Variants in ZDHHC11B observed in about 807,000 individuals in gnomAD.
The protein encoded by ZDHHC11B is probable palmitoyltransferase ZDHHC11B.
ZDHHC11B carries 17 observed loss-of-function variants against 42.3 expected under a neutral mutation model. The ratio of observed to expected loss-of-function variants is 0.40; its 90% CI spans 0.27 to 0.60. ZDHHC11B has a LOEUF of 0.60. Among genes scored for constraint, ZDHHC11B ranks in the 20% least tolerant of loss-of-function variants. The pLI, the probability that ZDHHC11B is intolerant of heterozygous loss-of-function variation, is 0.41. For synonymous variants in ZDHHC11B, 123 were observed against 193.5 expected (o/e 0.64, Z 3.02); for missense variants, 262 against 463.2 (o/e 0.57, Z 3.99).
At chr5:736,498 C>G (rs1743535360) in intron 10 of ZDHHC11B, among the ~76,000 whole-genome samples, 1 of 149,574 alleles carries the variant, frequency 6.7e-6, no homozygotes, top group South Asian at 2.2e-4. Flanking sequence ...AACATTCTAC[C>G]CAACAGCTGC....
chr5:774,973 G>A (rs1246981980), intron 1 of ZDHHC11B, among the ~76,000 whole-genome samples: 1 of 152,012 alleles, frequency 6.6e-6, no homozygotes, highest in African/African-American at 2.4e-5. Context: ...GCTGGCAGAG[G>A]AGGCTGGTGG....
chr5:745,764 G>T (rs1384060883), intron 8 of ZDHHC11B, among the ~76,000 whole-genome samples: 1 of 149,998 alleles, frequency 6.7e-6, no homozygotes, highest in East Asian at 2.1e-4. Context: ...CACTGGGTGG[G>T]GCGCACCTTG....
At chr5:745,464 G>A (rs1234886398) in intron 8 of ZDHHC11B, among the ~76,000 whole-genome samples, 166 bp from the exon 9 acceptor site, 2 of 149,802 alleles carry the variant, frequency 1.3e-5, no homozygotes, top group East Asian at 4.1e-4. Context: ...GAGTGCAGAT[G>A]CCTTGTGGGC....
chr5:720,300 G>C (rs1230791900), intron 12 of ZDHHC11B, among the ~76,000 whole-genome samples: 1 of 151,816 alleles, frequency 6.6e-6, no homozygotes, highest in African/African-American at 2.4e-5. Context: ...AGAATCAAGA[G>C]ATCCTTAATA....
At position 752,150 on chromosome 5, in the gene ZDHHC11B, A is replaced by G. The variant is rs1470557400; in HGVS notation, c.504-893T>C. Reference sequence around the variant, plus strand: ...GCACCATGCTGGGCAAAGGCACTGAAGCCAGGGAAGGGGAGAGCCATGAGA... The same window carrying G: ...GCACCATGCTGGGCAAAGGCACTGAGGCCAGGGAAGGGGAGAGCCATGAGA... On this transcript the variant is annotated intron_variant, in intron 6 of 13. Coordinates refer to ENST00000508859, the MANE Select transcript of ZDHHC11B (RefSeq NM_001351303.2). 3.4e-5 allele frequency among the ~76,000 whole-genome samples: 4 copies of G among 116,200 alleles called. 1 individual carries two copies. In the Admixed American group the frequency reaches 4.2e-4, roughly 12 times the overall value. The allele number at this position is 116,200 out of a possible 152,430, so 76.2% of individuals were successfully genotyped here. A position where few individuals can be genotyped will look rare whatever the true frequency, so the allele number is the denominator to read the frequency against.
At chr5:769,718 G>A (rs374107349) in intron 1 of ZDHHC11B, among the ~76,000 whole-genome samples, 76 of 152,072 alleles carry the variant, frequency 5.0e-4, no homozygotes, top group African/African-American at 8.2e-4. Flanking sequence ...GGCCTAGTGC[G>A]CGCCATCCTT....
chr5:777,952 C>G (rs1162559775), intron 1 of ZDHHC11B, among the ~76,000 whole-genome samples: 3 of 151,840 alleles, frequency 2.0e-5, no homozygotes, highest in African/African-American at 7.3e-5. Context: ...GTCGGCGGGT[C>G]CCGAGCCCTG....
At position 710,872 on chromosome 5, in the gene ZDHHC11B, A is replaced by T. The variant is rs1230389650; in HGVS notation, c.*1418T>A. On this transcript the variant is annotated 3_prime_UTR_variant, in exon 14 of 14. Coordinates refer to ENST00000508859, the MANE Select transcript of ZDHHC11B (RefSeq NM_001351303.2). ...CCAGTACTGTGAGCTCCCATTTCCC[A>T]GTACTGTGCTCCCAATTCCCAGTAC... is the stretch of plus-strand genomic sequence containing the variant. The T allele has an allele frequency of 3.7e-5, 5 of 134,756 alleles. No homozygotes were observed. Among genetic ancestry groups the T allele is most frequent in the Non-Finnish European group, 7.7e-5 (5 of 64,730 alleles). 8.3% of individuals were successfully genotyped at this position (134,756 alleles called of 1,614,324 possible).
chr5:719,949 C>G (rs1742060092), intron 12 of ZDHHC11B, among the ~76,000 whole-genome samples: 1 of 151,752 alleles, frequency 6.6e-6, no homozygotes, highest in African/African-American at 2.4e-5. Context: ...ATCCCTTTGT[C>G]CAGCATATCC....
chr5:770,436 C>T (rs1267661110), intron 1 of ZDHHC11B, among the ~76,000 whole-genome samples: 2 of 150,486 alleles, frequency 1.3e-5, no homozygotes, highest in Non-Finnish European at 3.0e-5. Flanking sequence ...GCCAGGGGCT[C>T]CAGGCCTAGG....
At position 778,078 on chromosome 5, in the gene ZDHHC11B, G is replaced by T. The variant is rs573043555; in HGVS notation, c.-230+6590C>A. ...CACCGTAGGACAGAGGGGCAAGGGG[G>T]CTCCCAGACTCTGCAAAGGACGCTG... On this transcript the variant is annotated intron_variant, in intron 1 of 13. Transcript: ENST00000508859. Among the ~76,000 whole-genome samples the T allele has an allele frequency of 1.3e-3, 191 of 152,032 alleles. 4 individuals carry two copies. The highest frequency in any genetic ancestry group is 4.4e-3 in the African/African-American group (184 of 41,454).
chr5:762,366 A>G (rs1734740588), intron 4 of ZDHHC11B, among the ~76,000 whole-genome samples: 1 of 151,934 alleles, frequency 6.6e-6, no homozygotes. Flanking sequence ...GATAGCGCCC[A>G]GGATGAGTGT....
chr5:719,431 G>T (rs537314376), intron 12 of ZDHHC11B, among the ~76,000 whole-genome samples: 1 of 151,560 alleles, frequency 6.6e-6, no homozygotes, highest in Admixed American at 6.6e-5. Context: ...AAATAAAGTA[G>T]GAAAATTACA....
intron 6 of ZDHHC11B, among the ~76,000 whole-genome samples, chr5:754,420 C>CA (rs1561163988): frequency 3.9e-4 from 44 of 111,576 alleles, no homozygotes; most frequent in South Asian, 1.7e-3. Flanking sequence ...AAACACCTCT[C>CA]GCCTGTGAGC....
At chr5:777,518 T>A (rs1016401716) in intron 1 of ZDHHC11B, among the ~76,000 whole-genome samples, 3 of 151,958 alleles carry the variant, frequency 2.0e-5, no homozygotes, top group Non-Finnish European at 2.9e-5. Context: ...AAGAACAAAC[T>A]TTCCACAGCG....
chr5:767,239 G>T, intron 3 of ZDHHC11B, 153 bp downstream of exon 3: 2 of 989,068 alleles, frequency 2.0e-6, no homozygotes, highest in Non-Finnish European at 3.0e-6. Context: ...GACCTGGGTG[G>T]ATGACTGAAA....
intron 9 of ZDHHC11B, among the ~76,000 whole-genome samples, chr5:744,119 C>G (rs979262335): frequency 6.7e-6 from 1 of 149,878 alleles, no homozygotes; most frequent in Non-Finnish European, 1.5e-5. Flanking sequence ...GACTAAGGTG[C>G]TGAGCTGTAG....
rs1178092511 is a variant in ZDHHC11B, at chr5:711,849, T to A, written c.*441A>T. On this transcript the variant is annotated 3_prime_UTR_variant, in exon 14 of 14. Transcript: ENST00000508859. ...GTACTGTGCTCCCATTTCTCAGTACTGTGCTCCCATTTCCCAGTACTATGC... is the reference window on the plus strand; with the variant it reads ...GTACTGTGCTCCCATTTCTCAGTACAGTGCTCCCATTTCCCAGTACTATGC... The A allele has an allele frequency of 8.0e-6, 1 of 124,602 alleles. No homozygotes were observed. Among genetic ancestry groups the A allele is most frequent in the African/African-American group, 3.1e-5 (1 of 32,152 alleles). 7.7% of individuals were successfully genotyped at this position (124,602 alleles called of 1,614,324 possible).
At chr5:765,987 A>C (rs1425155667) in intron 4 of ZDHHC11B, among the ~76,000 whole-genome samples, 2 of 151,878 alleles carry the variant, frequency 1.3e-5, no homozygotes, top group African/African-American at 4.8e-5. Flanking sequence ...CAGTGCCCCA[A>C]GGCACCGAAC....
Sources: allele counts gnomAD v4.1 joint callset (sites outside exome capture counted in the v4.1 genomes callset), GRCh38; gene constraint gnomAD v4.1.1; transcripts MANE v1.5; gene names NCBI Gene and HGNC (gene_info 2026-07-23, HGNC 2026-07-21).